Variants in ADAMTSL1 observed in about 807,000 individuals in gnomAD.
The protein encoded by ADAMTSL1 is ADAMTS-like protein 1.
A neutral mutation model predicts 201.8 loss-of-function variants in ADAMTSL1; 126 were observed. The observed-to-expected ratio is 0.62, with a 90% CI of 0.54 to 0.72. The LOEUF (loss-of-function observed/expected upper bound fraction) is 0.72. Ranked by LOEUF, ADAMTSL1 falls within the 30% of genes least tolerant of loss-of-function variation. ADAMTSL1 has a pLI of 0.00. For missense variants in ADAMTSL1, 2,679 were observed against 2,277.8 expected, an observed-to-expected ratio of 1.18 and a Z score of -3.59; for synonymous variants, 1,121 against 903.4, an observed-to-expected ratio of 1.24 and a Z score of -4.32.
intron 1 of ADAMTSL1, among the ~76,000 whole-genome samples, chr9:17,956,151 A>AT (rs1827921374): frequency 6.6e-6 from 1 of 152,142 alleles, no homozygotes. Flanking sequence ...AGAAATTTAC[A>AT]TTTTTCATAA....
At chr9:18,710,661 G>GTT (rs1352571180) in intron 14 of ADAMTSL1, among the ~76,000 whole-genome samples, 23,087 of 78,314 alleles carry the variant, frequency 0.29, 5,349 homozygotes, top group South Asian at 0.37. Context: ...AAGGGCCTAA[G>GTT]TTTTGTTTTG....
chr9:18,707,977 C>G (rs771847049), intron 14 of ADAMTSL1, among the ~76,000 whole-genome samples: 5 of 152,224 alleles, frequency 3.3e-5, no homozygotes, highest in African/African-American at 4.8e-5. Context: ...TCTCCTATAT[C>G]TACTCCCAAG....
intron 26 of ADAMTSL1, among the ~76,000 whole-genome samples, chr9:18,901,345 C>T (rs538448934): frequency 1.1e-3 from 174 of 152,192 alleles, no homozygotes; most frequent in South Asian, 4.0e-3. Flanking sequence ...CTCCAAGCCA[C>T]CTGAACATAT....
Position 18,902,071 on chromosome 9 carries a change from A to G in ADAMTSL1, c.4852-3711A>G, listed in dbSNP as rs117027239. On this transcript the variant is annotated intron_variant, in intron 26 of 28. Coordinates refer to ENST00000380548, the MANE Select transcript of ADAMTSL1 (RefSeq NM_001040272.6). ...GTCAATATACCAAGAACATATAACA[A>G]TTATAAACATGCATGCACCAAACAT... is the stretch of plus-strand genomic sequence containing the variant. Among the ~76,000 whole-genome samples, 196 of 152,350 alleles carry G rather than the reference A, an allele frequency of 1.3e-3. No individual in the cohort carries two copies. In the Middle Eastern group the frequency reaches 0.014, roughly 11 times the overall value.
chr9:18,100,596 A>G (rs990739380), intron 1 of ADAMTSL1, among the ~76,000 whole-genome samples: 17 of 151,680 alleles, frequency 1.1e-4, no homozygotes, highest in African/African-American at 3.9e-4. Flanking sequence ...CCCCTCCCCT[A>G]TTTTTTTCTG....
intron 1 of ADAMTSL1, among the ~76,000 whole-genome samples, chr9:18,100,742 C>A (rs956941531): frequency 1.3e-5 from 2 of 152,160 alleles, no homozygotes; most frequent in Non-Finnish European, 2.9e-5. Context: ...CAGGTGCCAT[C>A]CTGCACCACC....
At position 17,957,072 on chromosome 9, in the gene ADAMTSL1, G is replaced by C. The variant is rs1230293329; in HGVS notation, c.87+50150G>C. 2.0e-5 allele frequency among the ~76,000 whole-genome samples: 3 copies of C among 152,034 alleles called. No individual in the cohort carries two copies. The East Asian group carries it at 5.8e-4, about 29-fold the overall frequency. On this transcript the variant is annotated intron_variant, in intron 1 of 29. Coordinates refer to the ADAMTSL1 transcript ENST00000680146. Reference sequence around the variant, plus strand: ...AGATTTTCATGATTTAGAAAACATGGAATTAGAAACGCTCCGGTATTGTCA... The same window carrying C: ...AGATTTTCATGATTTAGAAAACATGCAATTAGAAACGCTCCGGTATTGTCA...
At chr9:18,233,804 T>C (rs1830737180) in intron 2 of ADAMTSL1, among the ~76,000 whole-genome samples, 1 of 152,284 alleles carries the variant, frequency 6.6e-6, no homozygotes, top group East Asian at 1.9e-4. Context: ...CAGAAATGAC[T>C]TCTGGGTTTG....
chr9:18,800,419 G>C (rs887520055), intron 20 of ADAMTSL1, among the ~76,000 whole-genome samples: 5 of 146,742 alleles, frequency 3.4e-5, no homozygotes, highest in Admixed American at 3.4e-4. Context: ...AAATGGACAG[G>C]TTTGACTGTT....
At chr9:18,778,149 C>A (rs944955022) in intron 19 of ADAMTSL1, among the ~76,000 whole-genome samples, 4 of 152,204 alleles carry the variant, frequency 2.6e-5, no homozygotes, top group African/African-American at 9.7e-5. Context: ...CATTGCCTAC[C>A]CACTCCTATC....
At chr9:18,298,288 A>G (rs1346141482) in intron 2 of ADAMTSL1, among the ~76,000 whole-genome samples, 1 of 152,192 alleles carries the variant, frequency 6.6e-6, no homozygotes, top group Non-Finnish European at 1.5e-5. Flanking sequence ...CAGGGTAAAA[A>G]TAAAGATATA....
chr9:18,192,279 T>G (rs1180537581), intron 2 of ADAMTSL1, among the ~76,000 whole-genome samples: 1 of 152,164 alleles, frequency 6.6e-6, no homozygotes, highest in East Asian at 1.9e-4. Flanking sequence ...CATCACCACT[T>G]AGAGCATGTC....
intron 2 of ADAMTSL1, among the ~76,000 whole-genome samples, chr9:18,351,369 T>C (rs1056144030): frequency 2.0e-5 from 3 of 152,130 alleles, no homozygotes; most frequent in African/African-American, 7.2e-5. Flanking sequence ...TTCTCAAAGT[T>C]TTAATGATTT....
chr9:18,814,237 C>T (rs1195534135), intron 20 of ADAMTSL1, among the ~76,000 whole-genome samples: 2 of 152,156 alleles, frequency 1.3e-5, no homozygotes, highest in East Asian at 3.9e-4. Context: ...TAGGATGAAA[C>T]TTCTTCATGG....
chr9:18,029,690 C>G (rs1305099365), intron 1 of ADAMTSL1, among the ~76,000 whole-genome samples: 1 of 151,988 alleles, frequency 6.6e-6, no homozygotes, highest in East Asian at 1.9e-4. Flanking sequence ...TGAACTCAAA[C>G]AAATTTACAA....
intron 23 of ADAMTSL1, among the ~76,000 whole-genome samples, chr9:18,834,321 A>G (rs1328505754): frequency 1.3e-5 from 2 of 152,288 alleles, no homozygotes; most frequent in South Asian, 4.1e-4. Flanking sequence ...ATCGATGAGC[A>G]TGGAATGTTT....
intron 14 of ADAMTSL1, among the ~76,000 whole-genome samples, chr9:18,708,408 A>G (rs565186519): frequency 6.6e-6 from 1 of 152,178 alleles, no homozygotes; most frequent in Non-Finnish European, 1.5e-5. Context: ...GGTATGTTAA[A>G]ACCTAAATTC....
At chr9:18,309,528 C>T (rs1026890261) in intron 2 of ADAMTSL1, among the ~76,000 whole-genome samples, 1 of 152,064 alleles carries the variant, frequency 6.6e-6, no homozygotes, top group Non-Finnish European at 1.5e-5. Context: ...CACAAGCATT[C>T]CCATACAGCA....
intron 3 of ADAMTSL1, chr9:18,573,455 C>A (rs1822470958): frequency 6.4e-6 from 1 of 155,998 alleles, no homozygotes; most frequent in South Asian, 2.0e-4. Context: ...TAAGCCAAAG[C>A]AATTCATATA....
Sources: allele counts gnomAD v4.1 joint callset (sites outside exome capture counted in the v4.1 genomes callset), GRCh38; gene constraint gnomAD v4.1.1; transcripts MANE v1.5; gene names NCBI Gene and HGNC (gene_info 2026-07-23, HGNC 2026-07-21).